GIGYF1: variants seen among roughly 807,000 people sequenced by gnomAD.
GIGYF1 encodes the protein GRB10 interacting GYF protein 1.
A neutral mutation model predicts 147.1 loss-of-function variants in GIGYF1; 84 were observed. The observed-to-expected ratio is 0.57, with a 90% CI of 0.48 to 0.68. The LOEUF is 0.68. GIGYF1 is among the 30% of genes least tolerant of loss of function. The pLI is 0.00. For synonymous variants in GIGYF1, 752 were observed against 589.5 expected (o/e 1.28, Z -3.99); for missense variants, 1,485 against 1,393.7 (o/e 1.07, Z -1.04).
rs772585392 is a variant in GIGYF1, at chr7:100,686,739, G to C, written c.604C>G (p.Arg202Gly). The change falls in exon 10 of 27, where the codon CGG becomes GGG. Residue 202 changes from arginine (R) to glycine (G), a missense_variant. Physicochemically the swap from Arg to Gly is moderately radical, Grantham distance 125 (BLOSUM62 -2). Transcript: ENST00000678049. ...RSDSENWRSL[R>G]EEQEEEEEGS... ...TCCTCCTCCTCCTCCTGTTCCTCCC[G>C]TAGGGAGCGCCAGTTCTCGCTGTCT... The C allele has an allele frequency of 1.9e-6, 3 of 1,613,718 alleles. No individual in the cohort carries two copies. Among genetic ancestry groups the C allele is most frequent in the Non-Finnish European group, 2.5e-6 (3 of 1,179,970 alleles).
At chr7:100,681,814 C>G (rs76501659) in intron 26 of GIGYF1, 43 bp from the exon 27 acceptor site, 19 of 1,603,800 alleles carry the variant, frequency 1.2e-5, no homozygotes, top group African/African-American at 1.3e-5. Flanking sequence ...CTCCTGGGCT[C>G]CTCCTGCCCT....
At chr7:100,692,064 A>T (rs1039294229) in intron 1 of GIGYF1, among the ~76,000 whole-genome samples, 7 of 152,208 alleles carry the variant, frequency 4.6e-5, no homozygotes, top group Non-Finnish European at 8.8e-5. Context: ...AGCCACTTAA[A>T]CAGAAGCACA....
rs112886587 is a variant in GIGYF1, at chr7:100,681,758, G to A, written c.3069C>T (p.His1023=). The A allele has an allele frequency of 1.7e-4, 277 of 1,587,208 alleles. 1 individual carries two copies. In the African/African-American group the frequency reaches 3.3e-3, roughly 19 times the overall value. ...SDPSILGYSL[H]GSSGEIESVD... ...CGCTCTCGATCTCACCAGAAGATCC[G>A]TGCAGGGAGTACCCTGAAGCCGGGG... The change falls in exon 27 of 27, where the codon CAC becomes CAT. Residue 1023 remains histidine, a synonymous_variant. Coordinates refer to ENST00000678049, the MANE Select transcript of GIGYF1 (RefSeq NM_001375765.1).
In GIGYF1 at chr7:100,684,051, G is replaced by T; in HGVS notation, c.1837C>A (p.Leu613Met). 1 of 1,606,348 alleles carries T rather than the reference G, an allele frequency of 6.2e-7. No homozygotes were observed. Among genetic ancestry groups the T allele is most frequent in the African/African-American group, 1.3e-5 (1 of 74,928 alleles). The change falls in exon 18 of 27, where the codon CTG becomes ATG. Residue 613 changes from leucine (L) to methionine (M), a missense_variant. By Grantham distance (15) the Leu-to-Met change is conservative. Transcript: ENST00000678049. ...QQQQQQLTAF[L>M]QQLQALKPPR... ...GGTTTGAGCGCCTGGAGCTGCTGCA[G>T]GAATGCCGTGAGCTGCTGCTGCTGC...
In GIGYF1 at chr7:100,686,088, G is replaced by C; in HGVS notation, c.949-9C>G. 1 of 1,611,976 alleles carries C rather than the reference G, an allele frequency of 6.2e-7. No individual in the cohort carries two copies. The highest frequency in any genetic ancestry group is 8.5e-7 in the Non-Finnish European group (1 of 1,179,842). The stretch of plus-strand genomic sequence containing the variant: ...GGCTCCTTGGGGCCCTTCTGCATGG[G>C]GCCGGGGTGGGGAGCAGAGAACAGC... On this transcript the variant is annotated splice_polypyrimidine_tract_variant and intron_variant, in intron 11 of 26. Transcript: ENST00000678049.
chr7:100,682,073 TGCTGCTGCTGCC>T lies in GIGYF1; in HGVS notation c.2912_2923del (p.Arg971_Gln974del). On this transcript the variant is annotated inframe_deletion and splice_region_variant, in exon 25 of 27. Coordinates refer to ENST00000678049, the MANE Select transcript of GIGYF1 (RefSeq NM_001375765.1). Reference sequence around the variant, plus strand: ...AGCTGCTGGTGCCGGCTGCCTCACCTGCTGCTGCTGCCGCTGCTGGCTGGCTTTCTGCTTGGC... The same window carrying T: ...AGCTGCTGGTGCCGGCTGCCTCACCTGCTGCTGGCTGGCTTTCTGCTTGGC... The T allele has an allele frequency of 6.2e-7, 1 of 1,611,002 alleles. No homozygotes were observed. Among genetic ancestry groups the T allele is most frequent in the Non-Finnish European group, 8.5e-7 (1 of 1,178,776 alleles).
In GIGYF1 at chr7:100,682,053, CT is replaced by C; in HGVS notation, c.2925+18del. 1.9e-6 allele frequency: 3 copies of C among 1,611,776 alleles called. No homozygotes were observed. Among genetic ancestry groups the C allele is most frequent in the Non-Finnish European group, 2.5e-6 (3 of 1,179,622 alleles). ...GCACCAGGCAAGCCCACCCCAGCTGCTGGTGCCGGCTGCCTCACCTGCTGCT... is the reference window on the plus strand; with the variant it reads ...GCACCAGGCAAGCCCACCCCAGCTGCGGTGCCGGCTGCCTCACCTGCTGCT... On this transcript the variant is annotated intron_variant, in intron 25 of 26. Transcript: ENST00000678049.
Position 100,688,319 on chromosome 7 carries a change from CAG to C in GIGYF1, c.-69-14_-69-13del, listed in dbSNP as rs2131393025. On this transcript the variant is annotated splice_polypyrimidine_tract_variant and intron_variant, in intron 3 of 26. Transcript: ENST00000678049. ...CACTGTCCAAACACCTGTGGGGGAACAGGGGCCATGAAGAACAGCACACGAAG... is the reference window on the plus strand; with the variant it reads ...CACTGTCCAAACACCTGTGGGGGAACGGGCCATGAAGAACAGCACACGAAG... The C allele has an allele frequency of 8.7e-7, 1 of 1,150,206 alleles. No individual in the cohort carries two copies. Among genetic ancestry groups the C allele is most frequent in the East Asian group, 2.4e-5 (1 of 41,374 alleles). The allele number at this position is 1,150,206 out of a possible 1,614,324, so 71.3% of individuals were successfully genotyped here. A position where few individuals can be genotyped will look rare whatever the true frequency, so the allele number is the denominator to read the frequency against.
Position 100,686,758 on chromosome 7 carries a change from G to T in GIGYF1, c.585C>A (p.Ser195Arg). 1 of 1,613,992 alleles carries T rather than the reference G, an allele frequency of 6.2e-7. No individual in the cohort carries two copies. The change falls in exon 10 of 27, where the codon AGC becomes AGA. Residue 195 changes from serine to arginine, a missense_variant. Ser to Arg is a moderately radical substitution (Grantham distance 110). Coordinates refer to ENST00000678049, the MANE Select transcript of GIGYF1 (RefSeq NM_001375765.1). ...CCTCCCGTAGGGAGCGCCAGTTCTC[G>T]CTGTCTGAGCGGGCGTGCTCCTTCC... ...GPRKEHARSD[S>R]ENWRSLREEQ...
chr7:100,682,274 G>A (rs1356397470), intron 24 of GIGYF1, 39 bp from the exon 25 acceptor site: 1 of 1,608,230 alleles, frequency 6.2e-7, no homozygotes. Flanking sequence ...CCCCTGGCCG[G>A]GTCTGGAGAC....
rs1322011949 is a variant in GIGYF1, at chr7:100,687,584, A to G, written c.294T>C (p.Ala98=). ...CCCCTTTCCCCATCAGCCTCAGCAC[A>G]GCCACGCTGTTCACTGACAGGGAGA... ...RNFSLSVNSV[A]VLRLMGKGAG... is the part of the protein sequence containing the mutation. The change falls in exon 7 of 27, where the codon GCT becomes GCC. Residue 98 remains alanine (A), a synonymous_variant. Transcript: ENST00000678049. 3.7e-6 allele frequency: 6 copies of G among 1,612,406 alleles called. No individual in the cohort carries two copies. The highest frequency in any genetic ancestry group is 2.7e-5 in the African/African-American group (2 of 74,898).
chr7:100,687,125 A>G (rs1805432993), intron 8 of GIGYF1, 79 bp from the exon 9 acceptor site: 2 of 1,583,766 alleles, frequency 1.3e-6, no homozygotes, highest in East Asian at 2.2e-5. Flanking sequence ...TGCCTTGTCC[A>G]CTGTGCCCTG....
At chr7:100,691,104 G>A (rs947554353) in intron 1 of GIGYF1, among the ~76,000 whole-genome samples, 4 of 152,208 alleles carry the variant, frequency 2.6e-5, no homozygotes, top group Non-Finnish European at 5.9e-5. Context: ...CCCTTCCTTG[G>A]ACTAAAGGAA....
Position 100,684,814 on chromosome 7 carries a change from G to A in GIGYF1, c.1371C>T (p.Gly457=), listed in dbSNP as rs771328324. The A allele has an allele frequency of 2.9e-5, 46 of 1,610,036 alleles. No individual in the cohort carries two copies. The highest frequency in any genetic ancestry group is 3.3e-5 in the Non-Finnish European group (39 of 1,178,382). Residue 457 remains glycine (G), a synonymous_variant, in exon 15 of 27, where the codon GGC becomes GGT. Transcript: ENST00000678049. ...EQFTAAMQTQ[G]LRHSAAATAL... Reference sequence around the variant, plus strand: ...CAGTGGCGGCTGCAGAGTGGCGCAGGCCCTGGGTCTGCATGGCAGCCGTGA... The same window carrying A: ...CAGTGGCGGCTGCAGAGTGGCGCAGACCCTGGGTCTGCATGGCAGCCGTGA...
chr7:100,686,058 G>A lies in GIGYF1; in HGVS notation c.970C>T (p.Pro324Ser), dbSNP rs1296202172. Reference sequence around the variant, plus strand: ...TGGAAGTCCAGCTCCTGCTCCTCAGGAATGGGCTCCTTGGGGCCCTTCTGC... The same window carrying A: ...TGGAAGTCCAGCTCCTGCTCCTCAGAAATGGGCTCCTTGGGGCCCTTCTGC... ...PLKKGPKEPI[P>S]EEQELDFQGL... The change falls in exon 12 of 27, where the codon CCT becomes TCT. Residue 324 changes from proline (P) to serine (S), a missense_variant. By Grantham distance (74) the Pro-to-Ser change is moderately conservative. Transcript: ENST00000678049. 2 of 1,602,976 alleles carry A rather than the reference G, an allele frequency of 1.2e-6. No homozygotes were observed. Among genetic ancestry groups the A allele is most frequent in the East Asian group, 4.5e-5 (2 of 44,266 alleles).
intron 20 of GIGYF1, 26 bp from the exon 21 acceptor site, chr7:100,683,470 G>C: frequency 6.2e-7 from 1 of 1,614,200 alleles, no homozygotes; most frequent in Non-Finnish European, 8.5e-7. Context: ...CATCAGAGGG[G>C]AGAGCTGCAG....
Position 100,688,189 on chromosome 7 carries a change from G to C in GIGYF1, c.35+15C>G. On this transcript the variant is annotated intron_variant, in intron 4 of 26. Coordinates refer to ENST00000678049, the MANE Select transcript of GIGYF1 (RefSeq NM_001375765.1). ...TTCTCGAATCTCCACGGCAGCCGAGGCACAAGTGACTCACCACTCAGGCCC... is the reference window on the plus strand; with the variant it reads ...TTCTCGAATCTCCACGGCAGCCGAGCCACAAGTGACTCACCACTCAGGCCC... The C allele has an allele frequency of 6.2e-7, 1 of 1,604,372 alleles. No homozygotes were observed. Among genetic ancestry groups the C allele is most frequent in the Non-Finnish European group, 8.5e-7 (1 of 1,175,552 alleles).
chr7:100,680,308 A>G lies in GIGYF1; in HGVS notation c.*1411T>C, dbSNP rs1371098230. ...ACATTCATGGAGGGAGGCAGTGGCG[A>G]AGCCTTGCCCTAATACTGCACTCTG... On this transcript the variant is annotated 3_prime_UTR_variant, in exon 27 of 27. Coordinates refer to ENST00000678049, the MANE Select transcript of GIGYF1 (RefSeq NM_001375765.1). The G allele has an allele frequency of 6.5e-6, 1 of 152,702 alleles. No homozygotes were observed. Among genetic ancestry groups the G allele is most frequent in the African/African-American group, 2.4e-5 (1 of 41,438 alleles). 9.5% of individuals were successfully genotyped at this position (152,702 alleles called of 1,614,324 possible).
intron 1 of GIGYF1, among the ~76,000 whole-genome samples, chr7:100,691,977 C>T (rs1805866402): frequency 6.6e-6 from 1 of 152,268 alleles, no homozygotes; most frequent in Non-Finnish European, 1.5e-5. Context: ...GCACATTCAG[C>T]TAAGAACATT....
Sources: allele counts gnomAD v4.1 joint callset (sites outside exome capture counted in the v4.1 genomes callset), GRCh38; gene constraint gnomAD v4.1.1; transcripts MANE v1.5; gene names NCBI Gene and HGNC (gene_info 2026-07-23, HGNC 2026-07-21).